VDAC1: variants seen among roughly 807,000 people sequenced by gnomAD.
The protein encoded by VDAC1 is non-selective voltage-gated ion channel VDAC1.
Under a neutral mutation model 34.7 loss-of-function variants are expected in VDAC1, and 10 were observed. The observed-to-expected ratio is 0.29, with a 90% confidence interval of 0.18 to 0.49. VDAC1 has a LOEUF of 0.49. VDAC1 is among the 20% of genes least tolerant of loss of function. The pLI is 0.99. For synonymous variants in VDAC1, 130 were observed against 136.0 expected, an observed-to-expected ratio of 0.96 and a Z score of 0.30; for missense variants, 230 against 347.9, an observed-to-expected ratio of 0.66 and a Z score of 2.69.
the VDAC1 span, among the ~76,000 whole-genome samples, chr5:134,113,706 A>T: frequency 6.6e-6 from 1 of 152,372 alleles, no homozygotes; most frequent in East Asian, 1.9e-4. Context: ...GCCCGCGTGG[A>T]CGCAGACCCG....
At chr5:134,042,110 T>G in the VDAC1 span, among the ~76,000 whole-genome samples, 1 of 152,126 alleles carries the variant, frequency 6.6e-6, no homozygotes, top group Non-Finnish European at 1.5e-5. Flanking sequence ...GTGGCAATGC[T>G]CTCAGAATGA....
chr5:134,033,863 G>T, the VDAC1 span, among the ~76,000 whole-genome samples: 5 of 151,430 alleles, frequency 3.3e-5, no homozygotes, highest in African/African-American at 4.8e-5. Flanking sequence ...GTGGTGGCAG[G>T]CGCCTGTAGT....
chr5:134,106,333 A>T, the VDAC1 span, among the ~76,000 whole-genome samples: 1 of 152,102 alleles, frequency 6.6e-6, no homozygotes, highest in South Asian at 2.1e-4. Flanking sequence ...ACACAGGACC[A>T]CAAACTCTTC....
chr5:134,060,210 A>G, the VDAC1 span, among the ~76,000 whole-genome samples: 1 of 151,888 alleles, frequency 6.6e-6, no homozygotes, highest in Non-Finnish European at 1.5e-5. Flanking sequence ...TTAGGAACTA[A>G]TAATAATAAT....
the VDAC1 span, among the ~76,000 whole-genome samples, chr5:134,018,648 C>T: frequency 6.6e-6 from 1 of 152,100 alleles, no homozygotes; most frequent in East Asian, 1.9e-4. Flanking sequence ...ATCTCTAAGC[C>T]CTTGCAATGT....
the VDAC1 span, among the ~76,000 whole-genome samples, chr5:134,024,422 G>T: frequency 6.6e-6 from 1 of 150,708 alleles, no homozygotes; most frequent in African/African-American, 2.4e-5. Context: ...CCAGCTACTT[G>T]GGAGGCCGAA....
chr5:134,028,182 G>A, the VDAC1 span, among the ~76,000 whole-genome samples: 2 of 151,732 alleles, frequency 1.3e-5, no homozygotes, highest in African/African-American at 4.8e-5. Context: ...GCCCAGGCTG[G>A]AGTGCAGTGG....
chr5:134,002,721 T>C lies in VDAC1; in HGVS notation c.-7+2174A>G, dbSNP rs1167453517. Among the ~76,000 whole-genome samples the C allele has an allele frequency of 2.6e-5, 4 of 152,082 alleles. No homozygotes were observed. The East Asian group carries it at 7.7e-4, about 29-fold the overall frequency. The stretch of plus-strand genomic sequence containing the variant: ...GGCTCACGCGTGTAATCCCAGCACT[T>C]TGGGAGGCGGAGGCGGGTGGATTGC... On this transcript the variant is annotated intron_variant, in intron 1 of 8. Transcript: ENST00000265333.
the VDAC1 span, among the ~76,000 whole-genome samples, chr5:134,074,038 C>T: frequency 1.6e-4 from 25 of 152,112 alleles, no homozygotes; most frequent in Admixed American, 1.1e-3. Context: ...GCTGGCTGGG[C>T]GCAGTGGCTC....
the VDAC1 span, among the ~76,000 whole-genome samples, chr5:134,088,774 C>T: frequency 2.6e-5 from 4 of 152,104 alleles, no homozygotes. Flanking sequence ...TGAAGGTTAC[C>T]ACTATTACCA....
the VDAC1 span, among the ~76,000 whole-genome samples, chr5:134,026,626 C>T: frequency 3.9e-5 from 6 of 152,034 alleles, no homozygotes; most frequent in African/African-American, 1.2e-4. Context: ...GCCTTATTTG[C>T]GGCTTCCCTG....
chr5:134,051,331 C>T, the VDAC1 span, among the ~76,000 whole-genome samples: 1 of 152,234 alleles, frequency 6.6e-6, no homozygotes, highest in Non-Finnish European at 1.5e-5. Flanking sequence ...GTGGGCTAGG[C>T]CTGGGCTACA....
the VDAC1 span, among the ~76,000 whole-genome samples, chr5:134,083,206 T>TG: frequency 4.0e-5 from 6 of 149,310 alleles, no homozygotes; most frequent in African/African-American, 5.0e-5. Context: ...TTTTTTTTTT[T>TG]GGGATGGGGT....
chr5:134,007,674 G>A (rs1385927670), upstream of VDAC1, among the ~76,000 whole-genome samples: 2 of 152,184 alleles, frequency 1.3e-5, no homozygotes, highest in East Asian at 1.9e-4. Flanking sequence ...TATGGCAGAG[G>A]GGAAAATGCG....
chr5:134,008,882 T>A (rs1382841889), upstream of VDAC1, among the ~76,000 whole-genome samples: 3 of 152,184 alleles, frequency 2.0e-5, no homozygotes, highest in Non-Finnish European at 4.4e-5. Flanking sequence ...CTCCTCAGAC[T>A]AGAGTCTGGG....
At chr5:134,114,490 T>C in the VDAC1 span, among the ~76,000 whole-genome samples, 5 of 152,078 alleles carry the variant, frequency 3.3e-5, no homozygotes, top group Non-Finnish European at 7.4e-5. Flanking sequence ...TTAGAGTCTC[T>C]GCGTTTCGGG....
At chr5:134,039,150 G>A in the VDAC1 span, among the ~76,000 whole-genome samples, 2 of 151,944 alleles carry the variant, frequency 1.3e-5, no homozygotes, top group African/African-American at 4.8e-5. Context: ...CACCTCAATC[G>A]TCCTCCCTTG....
In VDAC1 at chr5:133,992,312, A is replaced by G. The variant is rs142141751; in HGVS notation, c.111T>C (p.Asn37=). The G allele has an allele frequency of 2.9e-3, 4,614 of 1,581,718 alleles. 23 individuals carry two copies. The highest frequency in any genetic ancestry group is 3.4e-3 in the Non-Finnish European group (4,012 of 1,165,548). ...TGTGGGTTGGACAACTTACCAATCC[A>G]TTCTCAGATTTTGTTTTCAAATCAA... ...IKLDLKTKSE[N]GLEFTSSGSA... is the part of the protein sequence containing the mutation. Residue 37 remains asparagine, a synonymous_variant, in exon 3 of 9, where the codon AAT becomes AAC. Coordinates refer to ENST00000265333, the MANE Select transcript of VDAC1 (RefSeq NM_003374.3).
the VDAC1 span, among the ~76,000 whole-genome samples, chr5:134,061,122 C>T: frequency 6.7e-6 from 1 of 150,306 alleles, no homozygotes; most frequent in African/African-American, 2.4e-5. Flanking sequence ...ACCTCGGCCT[C>T]CCAAAGTGCT....
Sources: gnomAD v4.1 joint callset for allele counts (sites outside exome capture counted in the v4.1 genomes callset) on GRCh38, gnomAD v4.1.1 for gene constraint, MANE v1.5 for transcripts, NCBI Gene and HGNC (gene_info 2026-07-23, HGNC 2026-07-21) for gene names.